The following PPP4R2 variants were observed in gnomAD, a reference collection of about 807,000 sequenced individuals.
PPP4R2 encodes serine/threonine-protein phosphatase 4 regulatory subunit 2.
In PPP4R2, 13 loss-of-function variants were observed where a neutral mutation model predicts 47.2. That is an observed-to-expected ratio of 0.28 (90% CI 0.18 to 0.44). The LOEUF is 0.44. Ranked by LOEUF, PPP4R2 falls within the 20% of genes least tolerant of loss-of-function variation. The pLI is 1.00. For synonymous variants in PPP4R2, 151 were observed against 163.3 expected (o/e 0.92, Z 0.57); for missense variants, 421 against 491.2 (o/e 0.86, Z 1.35).
intron 3 of PPP4R2, among the ~76,000 whole-genome samples, 155 bp from the exon 4 acceptor site, chr3:73,058,882 T>A (rs899437462): frequency 2.6e-5 from 4 of 151,944 alleles, no homozygotes; most frequent in Non-Finnish European, 5.9e-5. Flanking sequence ...TGTCTTTTTT[T>A]AAATGACTCA....
intron 2 of PPP4R2, among the ~76,000 whole-genome samples, chr3:73,000,952 G>A (rs918207004): frequency 6.6e-6 from 1 of 152,186 alleles, no homozygotes; most frequent in African/African-American, 2.4e-5. Flanking sequence ...CGGTCAAGTT[G>A]TCTCCCATTT....
chr3:73,001,812 A>G (rs958567581), intron 2 of PPP4R2, among the ~76,000 whole-genome samples: 1 of 151,972 alleles, frequency 6.6e-6, no homozygotes, highest in Non-Finnish European at 1.5e-5. Flanking sequence ...TGTTTTTAGT[A>G]GAGACAGGGT....
intron 2 of PPP4R2, among the ~76,000 whole-genome samples, chr3:73,034,411 A>G (rs1702225677): frequency 6.6e-6 from 1 of 152,336 alleles, no homozygotes; most frequent in South Asian, 2.1e-4. Flanking sequence ...GGAGATTCCT[A>G]CCAGTTAGTG....
chr3:73,059,385 T>C (rs1007355524), intron 4 of PPP4R2, among the ~76,000 whole-genome samples: 9 of 152,188 alleles, frequency 5.9e-5, no homozygotes, highest in African/African-American at 1.9e-4. Context: ...AAATTCATAG[T>C]GTATATCAAC....
chr3:73,009,390 G>C (rs1383383160), intron 2 of PPP4R2, among the ~76,000 whole-genome samples: 1 of 152,194 alleles, frequency 6.6e-6, no homozygotes, highest in East Asian at 1.9e-4. Context: ...TATTGCATGA[G>C]AAAGAGCAGT....
intron 3 of PPP4R2, among the ~76,000 whole-genome samples, chr3:73,049,077 T>TA (rs1264164686): frequency 6.6e-6 from 1 of 152,186 alleles, no homozygotes; most frequent in Non-Finnish European, 1.5e-5. Flanking sequence ...ATCAATATTT[T>TA]AAAATTTTTC....
At position 73,065,478 on chromosome 3, in the gene PPP4R2, AAG is replaced by A. The variant is rs1702972366; in HGVS notation, c.1014_1015del (p.Glu338AspfsTer3). 6.2e-7 allele frequency: 1 copy of A among 1,611,714 alleles called. No individual in the cohort carries two copies. The highest frequency in any genetic ancestry group is 1.7e-5 in the Admixed American group (1 of 59,988). On this transcript the variant is annotated frameshift_variant, in exon 9 of 9. Transcript: ENST00000356692. LOFTEE classifies it high-confidence loss of function. ...TCTGATGATGCCTTAACTGTGAATG[AAG>A]AGACTTCTGAGGAAAATAATCAAAT...
chr3:73,013,288 A>G (rs1186084340), intron 2 of PPP4R2, among the ~76,000 whole-genome samples: 3 of 152,200 alleles, frequency 2.0e-5, no homozygotes, highest in African/African-American at 4.8e-5. Context: ...TAAAATATGG[A>G]GAATATCTTG....
At chr3:72,997,396 T>G in intron 1 of PPP4R2, 2 of 222,614 alleles carry the variant, frequency 9.0e-6, no homozygotes, top group Non-Finnish European at 1.8e-5. Flanking sequence ...TATCCTCTTT[T>G]CTCCACCAGG....
chr3:72,997,074 G>C lies in PPP4R2; in HGVS notation c.34+3G>C, dbSNP rs374219871. The C allele has an allele frequency of 1.0e-3, 1,464 of 1,397,434 alleles. 1 individual carries two copies. The highest frequency in any genetic ancestry group is 1.3e-3 in the Non-Finnish European group (1,410 of 1,058,894). 86.6% of individuals were successfully genotyped at this position (1,397,434 alleles called of 1,614,324 possible). ...GAGGCTCCAGGAGGCGCTGAAAGGT[G>C]GGGGTAGCTGCCCCCTCTCCATTCC... On this transcript the variant is annotated splice_donor_region_variant and intron_variant, in intron 1 of 8. Coordinates refer to ENST00000356692, the MANE Select transcript of PPP4R2 (RefSeq NM_174907.4).
At chr3:73,059,542 A>G (rs1201933317) in intron 4 of PPP4R2, among the ~76,000 whole-genome samples, 1 of 152,178 alleles carries the variant, frequency 6.6e-6, no homozygotes, top group East Asian at 1.9e-4. Flanking sequence ...TAAATGAGGT[A>G]TTGAGTAGAA....
At chr3:73,021,070 T>C (rs1476179271) in intron 2 of PPP4R2, among the ~76,000 whole-genome samples, 1 of 152,148 alleles carries the variant, frequency 6.6e-6, no homozygotes, top group Non-Finnish European at 1.5e-5. Context: ...TGCTTAATGT[T>C]TACTGGTTAA....
At chr3:73,042,286 C>G (rs1184792525) in intron 2 of PPP4R2, among the ~76,000 whole-genome samples, 3 of 151,594 alleles carry the variant, frequency 2.0e-5, no homozygotes, top group Non-Finnish European at 2.9e-5. Flanking sequence ...AGTGTACATT[C>G]CTAAGAAATT....
intron 5 of PPP4R2, chr3:73,063,338 A>AAGG (rs1553652017): frequency 1.2e-4 from 20 of 172,806 alleles, no homozygotes; most frequent in African/African-American, 5.4e-4. Context: ...AAAAAAAAAA[A>AAGG]AAGTCCAGGT....
At chr3:73,054,427 T>A (rs1702687053) in intron 3 of PPP4R2, among the ~76,000 whole-genome samples, 1 of 152,230 alleles carries the variant, frequency 6.6e-6, no homozygotes, top group South Asian at 2.1e-4. Flanking sequence ...TTTGTAAGAC[T>A]TTGTAGGTGT....
chr3:73,001,540 C>T (rs1701458065), intron 2 of PPP4R2, among the ~76,000 whole-genome samples: 1 of 152,230 alleles, frequency 6.6e-6, no homozygotes, highest in South Asian at 2.1e-4. Flanking sequence ...TGCCACAGCA[C>T]TCCAGTCTGG....
intron 2 of PPP4R2, among the ~76,000 whole-genome samples, chr3:73,038,561 A>AT (rs1702312739): frequency 6.6e-6 from 1 of 151,892 alleles, no homozygotes; most frequent in African/African-American, 2.4e-5. Flanking sequence ...AAGCCTGGCT[A>AT]ATTTTTGTAT....
chr3:73,016,320 A>G (rs1372585803), intron 2 of PPP4R2, among the ~76,000 whole-genome samples: 2 of 151,858 alleles, frequency 1.3e-5, no homozygotes, highest in Non-Finnish European at 2.9e-5. Context: ...CAGGGCTGAC[A>G]ATGTCTAGAG....
chr3:73,031,553 GA>G (rs60949219), intron 2 of PPP4R2, among the ~76,000 whole-genome samples: 79,995 of 151,676 alleles, frequency 0.53, 21,446 homozygotes, highest in African/African-American at 0.62. Flanking sequence ...AAAAAGAAAA[GA>G]AAAAAAGAAA....
Sources: allele counts gnomAD v4.1 joint callset (sites outside exome capture counted in the v4.1 genomes callset), GRCh38; gene constraint gnomAD v4.1.1; transcripts MANE v1.5; gene names NCBI Gene and HGNC (gene_info 2026-07-23, HGNC 2026-07-21).